NPHS1: variants seen among roughly 807,000 people sequenced by gnomAD.
NPHS1 encodes NPHS1 adhesion molecule, nephrin, also known as nephrin.
In NPHS1, 107 loss-of-function variants were observed where a neutral mutation model predicts 139.7. That is an observed-to-expected ratio of 0.77 (90% confidence interval 0.66 to 0.90). The LOEUF is 0.90. Ranked by LOEUF, NPHS1 falls within the 40% of genes least tolerant of loss-of-function variation. The pLI is 0.00. For synonymous variants in NPHS1, 707 were observed against 706.6 expected (o/e 1.00, Z -0.01); for missense variants, 1,580 against 1,654.2 (o/e 0.96, Z 0.78).
chr19:35,844,072 G>A (rs1197727600), intron 16 of NPHS1, 31 bp downstream of exon 16: 2 of 1,603,206 alleles, frequency 1.2e-6, no homozygotes, highest in Admixed American at 1.7e-5. Context: ...TTCCTTGGGT[G>A]GGTGTGGTTT....
Position 35,849,130 on chromosome 19 carries a change from G to A in NPHS1, c.858C>T (p.Ser286=). 6.2e-7 allele frequency: 1 copy of A among 1,610,014 alleles called. No individual in the cohort carries two copies. Among genetic ancestry groups the A allele is most frequent in the South Asian group, 1.1e-5 (1 of 91,080 alleles). The part of the protein sequence containing the change: ...LQWLKNGQPV[S]TAWGTEHTQA... Reference sequence around the variant, plus strand: ...GGGTGTGCTCTGTGCCCCACGCTGTGGACACCGGCTGGCCATTCTGGAGAC... The same window carrying A: ...GGGTGTGCTCTGTGCCCCACGCTGTAGACACCGGCTGGCCATTCTGGAGAC... Residue 286 remains serine (S), a synonymous_variant, in exon 8 of 29, where the codon TCC becomes TCT. Coordinates refer to ENST00000378910, the MANE Select transcript of NPHS1 (RefSeq NM_004646.4).
In NPHS1 at chr19:35,831,484, T is replaced by C. The variant is rs535987317; in HGVS notation, c.3303A>G (p.Thr1101=). ...RRLAEGISEK[T]EAGSEEDRVR... is the part of the protein sequence containing the mutation. ...AAAATATCCCCACTTACCCTGCCTCTGTCTTCTCTGAGATGCCTGAAGGAA... is the reference window on the plus strand; with the variant it reads ...AAAATATCCCCACTTACCCTGCCTCCGTCTTCTCTGAGATGCCTGAAGGAA... Residue 1101 remains threonine (T), a synonymous_variant, in exon 25 of 29, where the codon ACA becomes ACG. Transcript: ENST00000378910. 4 of 1,613,838 alleles carry C rather than the reference T, an allele frequency of 2.5e-6. No individual in the cohort carries two copies. The South Asian group carries it at 4.4e-5, about 18-fold the overall frequency.
chr19:35,831,565 G>A, intron 24 of NPHS1, 65 bp from the exon 25 acceptor site: 1 of 1,608,260 alleles, frequency 6.2e-7, no homozygotes, highest in Non-Finnish European at 8.5e-7. Flanking sequence ...GCCCCAGGAA[G>A]ACCTTCAGTA....
At chr19:35,849,444 A>G in intron 6 of NPHS1, 81 bp from the exon 7 acceptor site, 3 of 1,598,442 alleles carry the variant, frequency 1.9e-6, no homozygotes, top group Non-Finnish European at 2.6e-6. Flanking sequence ...TTGAACCCCC[A>G]TGTTTCTCTG....
chr19:35,848,628 C>T lies in NPHS1; in HGVS notation c.1170+9G>A, dbSNP rs531263446. 6.4e-5 allele frequency: 103 copies of T among 1,613,016 alleles called. No individual in the cohort carries two copies. In the East Asian group the frequency reaches 2.1e-3, roughly 34 times the overall value. ...ATGCTCAGACCCAGGAGCCTGGCCCCCGCCTCACATCCATGACTGTCTCCT... is the reference window on the plus strand; with the variant it reads ...ATGCTCAGACCCAGGAGCCTGGCCCTCGCCTCACATCCATGACTGTCTCCT... On this transcript the variant is annotated intron_variant, in intron 9 of 28. Coordinates refer to ENST00000378910, the MANE Select transcript of NPHS1 (RefSeq NM_004646.4).
In NPHS1 at chr19:35,849,124, C is replaced by T. The variant is rs183990039; in HGVS notation, c.864G>A (p.Ala288=). The T allele has an allele frequency of 2.4e-4, 392 of 1,609,810 alleles. No individual in the cohort carries two copies. Among genetic ancestry groups the T allele is most frequent in the Non-Finnish European group, 3.0e-4 (353 of 1,180,010 alleles). ...WLKNGQPVST[A]WGTEHTQAVA... is the part of the protein sequence containing the mutation. The stretch of plus-strand genomic sequence containing the variant: ...CCGCCTGGGTGTGCTCTGTGCCCCA[C>T]GCTGTGGACACCGGCTGGCCATTCT... The change falls in exon 8 of 29, where the codon GCG becomes GCA. Residue 288 remains alanine, a synonymous_variant. Transcript: ENST00000378910.
chr19:35,827,721 C>G (rs1972816543), intron 28 of NPHS1, among the ~76,000 whole-genome samples: 1 of 152,090 alleles, frequency 6.6e-6, no homozygotes, highest in African/African-American at 2.4e-5. Context: ...GATTCGAGAC[C>G]AGCCTGGGCA....
At chr19:35,847,096 A>G (rs1973153610) in intron 11 of NPHS1, among the ~76,000 whole-genome samples, 1 of 151,932 alleles carries the variant, frequency 6.6e-6, no homozygotes, top group African/African-American at 2.4e-5. Context: ...CCCAGGCTGG[A>G]GTGCAGTGGC....
chr19:35,843,982 G>T, intron 16 of NPHS1, 121 bp downstream of exon 16: 1 of 1,398,562 alleles, frequency 7.2e-7, no homozygotes, highest in Non-Finnish European at 9.8e-7. Context: ...GGGACTTCCA[G>T]AACGGGAGGG....
chr19:35,842,254 G>T lies in NPHS1; in HGVS notation c.2533C>A (p.Pro845Thr), dbSNP rs375108899. 61 of 1,613,192 alleles carry T rather than the reference G, an allele frequency of 3.8e-5. No homozygotes were observed. Among genetic ancestry groups the T allele is most frequent in the Non-Finnish European group, 4.7e-5 (55 of 1,179,994 alleles). The change falls in exon 19 of 29, where the codon CCC becomes ACC. Residue 845 changes from proline to threonine, a missense_variant. Transcript: ENST00000378910. ...CCAGCTGCAGCCACCTTAGTTAGGG[G>T]AGTGGGGTGCTCCACCTGGGGGGCA... The part of the protein sequence containing the change: ...RFAPQVEHPT[P>T]LTKVAAAGDS...
intron 16 of NPHS1, 51 bp from the exon 17 acceptor site, chr19:35,843,644 G>A (rs1281855625): frequency 6.2e-7 from 1 of 1,605,274 alleles, no homozygotes; most frequent in Admixed American, 1.7e-5. Context: ...GACAGGTCTG[G>A]GTGTGAGAGG....
Position 35,851,986 on chromosome 19 carries a change from C to T in NPHS1, c.-149G>A. ...ACTCTCCTCCCTTTCTCGTTTTCCT[C>T]TTCCCCTCTTCCCTGTGAGTATCTC... On this transcript the variant is annotated 5_prime_UTR_variant, in exon 1 of 29. Coordinates refer to ENST00000378910, the MANE Select transcript of NPHS1 (RefSeq NM_004646.4). The T allele has an allele frequency of 1.4e-6, 1 of 690,180 alleles. No individual in the cohort carries two copies. The highest frequency in any genetic ancestry group is 2.3e-5 in the Admixed American group (1 of 44,376). The allele number at this position is 690,180 out of a possible 1,614,324, so 42.8% of individuals were successfully genotyped here.
chr19:35,831,718 C>T lies in NPHS1; in HGVS notation c.3211G>A (p.Gly1071Arg). ...GAGGCATTGGAGAGGAGCAGAAGCC[C>T]CCCAAGAGCGAACAGCACAGGCAGC... is the stretch of plus-strand genomic sequence containing the variant. ...PLLPVLFALG[G>R]LLLLSNASCV... is the part of the protein sequence containing the mutation. The change falls in exon 24 of 29, where the codon GGG (glycine) becomes AGG (arginine). Residue 1071 changes from glycine to arginine, a missense_variant. Coordinates refer to ENST00000378910, the MANE Select transcript of NPHS1 (RefSeq NM_004646.4). 6.3e-7 allele frequency: 1 copy of T among 1,593,232 alleles called. No individual in the cohort carries two copies. Among genetic ancestry groups the T allele is most frequent in the Non-Finnish European group, 8.5e-7 (1 of 1,170,346 alleles).
intron 28 of NPHS1, 68 bp downstream of exon 28, chr19:35,830,776 T>C (rs2146806853): frequency 1.0e-6 from 1 of 982,828 alleles, no homozygotes. Flanking sequence ...CCCTAACTAA[T>C]ACAAGCAATA....
Position 35,844,479 on chromosome 19 carries a change from G to A in NPHS1, c.1931-20C>T, listed in dbSNP as rs1363741476. ...GACGGTCTTCAGAGGGGGCGCCGCA[G>A]GGAGTCAAGATTGTTGTTAAGGTTA... is the stretch of plus-strand genomic sequence containing the variant. On this transcript the variant is annotated intron_variant, in intron 14 of 28. Transcript: ENST00000378910. 3.2e-6 allele frequency: 5 copies of A among 1,551,448 alleles called. No individual in the cohort carries two copies. In the South Asian group the frequency reaches 3.5e-5, roughly 11 times the overall value.
rs143178785 is a variant in NPHS1, at chr19:35,848,703, C to T, written c.1104G>A (p.Pro368=). Residue 368 remains proline, a synonymous_variant, in exon 9 of 29, where the codon CCG becomes CCA. Coordinates refer to ENST00000378910, the MANE Select transcript of NPHS1 (RefSeq NM_004646.4). Reference sequence around the variant, plus strand: ...CCAGCCACCATCGTAGCAGAACCCGCGGGCGACTGGACTTGCTGACACAGG... The same window carrying T: ...CCAGCCACCATCGTAGCAGAACCCGTGGGCGACTGGACTTGCTGACACAGG... ...TLSCVSKSSR[P]RVLLRWWLGW... 50 of 1,614,132 alleles carry T rather than the reference C, an allele frequency of 3.1e-5. No individual in the cohort carries two copies. The African/African-American group carries it at 4.7e-4, about 15-fold the overall frequency.
Position 35,831,041 on chromosome 19 carries a change from G to A in NPHS1, c.3481+12C>T. 1 of 1,613,276 alleles carries A rather than the reference G, an allele frequency of 6.2e-7. No homozygotes were observed. Among genetic ancestry groups the A allele is most frequent in the Non-Finnish European group, 8.5e-7 (1 of 1,179,290 alleles). On this transcript the variant is annotated intron_variant, in intron 27 of 28. Transcript: ENST00000378910. ...CTCTGAGTGAGGGAATCCTGACATG[G>A]TCCTAACTCACCTCGGGAATAAGAC...
Position 35,851,263 on chromosome 19 carries a change from C to G in NPHS1, c.396G>C (p.Leu132=), listed in dbSNP as rs567149548. ...GTCCTGGGCGTCTCTCACCCATACC[C>G]AGGATGGAGAGGATCACTCTGGGAG... ...LVSPRVILSI[L]VPPKLLLLTP... Residue 132 remains leucine, a splice_region_variant and synonymous_variant, in exon 3 of 29, where the codon CTG becomes CTC. Transcript: ENST00000378910. The G allele has an allele frequency of 2.0e-4, 316 of 1,613,986 alleles. 6 individuals are homozygous for G. The South Asian group carries it at 3.4e-3, about 17-fold the overall frequency.
Position 35,846,149 on chromosome 19 carries a change from G to T in NPHS1, c.1486C>A (p.Arg496Ser), listed in dbSNP as rs373264146. ...TESRLPQESR[R>S]VHLGSVEKSG... Reference sequence around the variant, plus strand: ...TTCTCCACGCTGCCGAGATGCACGCGCCGCGACTCCTGCGGCAGCCGCGAC... The same window carrying T: ...TTCTCCACGCTGCCGAGATGCACGCTCCGCGACTCCTGCGGCAGCCGCGAC... The change falls in exon 12 of 29, where the codon CGC (arginine) becomes AGC (serine). Residue 496 changes from arginine (R) to serine (S), a missense_variant. Physicochemically the swap from Arg to Ser is moderately radical, Grantham distance 110. Coordinates refer to ENST00000378910, the MANE Select transcript of NPHS1 (RefSeq NM_004646.4). 1.6e-5 allele frequency: 25 copies of T among 1,597,072 alleles called. No individual in the cohort carries two copies. In the African/African-American group the frequency reaches 3.2e-4, roughly 21 times the overall value.
Sources: gnomAD v4.1 joint callset for allele counts (sites outside exome capture counted in the v4.1 genomes callset) on GRCh38, gnomAD v4.1.1 for gene constraint, MANE v1.5 for transcripts, NCBI Gene and HGNC (gene_info 2026-07-23, HGNC 2026-07-21) for gene names.